The following SLC35F5 variants were observed in gnomAD, a reference collection of about 807,000 sequenced individuals.
The protein encoded by SLC35F5 is HCV NS5A-transactivated protein 3.
A neutral mutation model predicts 68.6 loss-of-function variants in SLC35F5; 54 were observed. The observed-to-expected ratio is 0.79, with a 90% CI of 0.63 to 0.99. The LOEUF (loss-of-function observed/expected upper bound fraction) is 0.99, where lower values mean the gene tolerates loss of function less well. Ranked by LOEUF, SLC35F5 falls within the 50% of genes least tolerant of loss-of-function variation. SLC35F5 has a pLI of 0.00. For synonymous variants in SLC35F5, 211 were observed against 205.2 expected (o/e 1.03, Z -0.24); for missense variants, 567 against 626.9 (o/e 0.90, Z 1.02).
downstream of SLC35F5, among the ~76,000 whole-genome samples, chr2:113,704,476 G>A (rs1437352778): frequency 6.6e-6 from 1 of 152,194 alleles, no homozygotes; most frequent in East Asian, 1.9e-4. Flanking sequence ...AGCAGGGGGC[G>A]CTCTGGCCAC....
chr2:113,752,353 A>T (rs942128588), intron 3 of SLC35F5, among the ~76,000 whole-genome samples: 7 of 152,206 alleles, frequency 4.6e-5, no homozygotes, highest in African/African-American at 1.7e-4. Context: ...TAGACAACTT[A>T]AACGTGGATA....
intron 1 of SLC35F5, 151 bp downstream of exon 1, chr2:113,756,219 T>C (rs1255798703): frequency 6.6e-7 from 1 of 1,513,466 alleles, no homozygotes; most frequent in African/African-American, 1.4e-5. Flanking sequence ...CCGGCGCCCC[T>C]GTCAGCTCCC....
intron 9 of SLC35F5, among the ~76,000 whole-genome samples, chr2:113,732,507 T>C (rs1479872902): frequency 6.6e-6 from 1 of 152,146 alleles, no homozygotes; most frequent in Non-Finnish European, 1.5e-5. Flanking sequence ...AAAGAAAATA[T>C]GTATTCCCTT....
chr2:113,703,740 A>C (rs952313492), downstream of SLC35F5: 9 of 152,214 alleles, frequency 5.9e-5, no homozygotes, highest in Non-Finnish European at 1.2e-4. Context: ...GGCCCTGAGA[A>C]GAAAAACTGG....
chr2:113,718,870 AAAG>A (rs200405439), intron 14 of SLC35F5, among the ~76,000 whole-genome samples: 419 of 26,944 alleles, frequency 0.016, 9 homozygotes, highest in African/African-American at 0.045. Context: ...AAAGAAAAAG[AAAG>A]AAAGAAAGAA....
intron 14 of SLC35F5, 113 bp downstream of exon 14, chr2:113,719,041 T>C (rs1687319757): frequency 1.1e-6 from 1 of 949,180 alleles, no homozygotes; most frequent in African/African-American, 1.7e-5. Context: ...ACATATAAGT[T>C]ATCATCTTTC....
intron 13 of SLC35F5, chr2:113,721,425 TTTG>T (rs1687430524): frequency 6.5e-6 from 1 of 154,170 alleles, no homozygotes; most frequent in African/African-American, 2.4e-5. Flanking sequence ...ATTTCCCCGT[TTTG>T]TCTTTACCCT....
chr2:113,718,850 A>C (rs1687278049), intron 14 of SLC35F5, among the ~76,000 whole-genome samples: 1 of 148,092 alleles, frequency 6.8e-6, no homozygotes, highest in South Asian at 2.1e-4. Flanking sequence ...AAGGAAAGAA[A>C]AAGAGAGAGA....
At chr2:113,724,427 A>T (rs1205312493) in intron 12 of SLC35F5, among the ~76,000 whole-genome samples, 1 of 152,234 alleles carries the variant, frequency 6.6e-6, no homozygotes, top group African/African-American at 2.4e-5. Flanking sequence ...TTATGATTTT[A>T]AAGAATTTTA....
chr2:113,717,004 C>T (rs1274654493), intron 15 of SLC35F5, among the ~76,000 whole-genome samples: 2 of 152,184 alleles, frequency 1.3e-5, no homozygotes, highest in Non-Finnish European at 2.9e-5. Context: ...TCAAGAAACA[C>T]TTCAATATAA....
chr2:113,750,430 C>G lies in SLC35F5; in HGVS notation c.412G>C (p.Ala138Pro), dbSNP rs1395997952. The change falls in exon 4 of 16, where the codon GCT (alanine) becomes CCT (proline). Residue 138 changes from alanine (A) to proline (P), a missense_variant. Physicochemically the swap from Ala to Pro is conservative, Grantham distance 27. Transcript: ENST00000245680. ...CTRGLRGKHA[A>P]FFADAEGYFA... ...AGTTAAAATTAAAAACTTACAAAAG[C>G]AGCATGCTTTCCGCGAAGTCCTCTT... The G allele has an allele frequency of 6.3e-7, 1 of 1,596,968 alleles. No individual in the cohort carries two copies. The highest frequency in any genetic ancestry group is 8.5e-7 in the Non-Finnish European group (1 of 1,172,884).
chr2:113,756,537 G>C lies in SLC35F5; in HGVS notation c.-128C>G, dbSNP rs575696282. 2.3e-5 allele frequency: 34 copies of C among 1,484,486 alleles called. 1 individual carries two copies. In the African/African-American group the frequency reaches 4.6e-4, roughly 20 times the overall value. The allele number at this position is 1,484,486 out of a possible 1,614,324, so 92.0% of individuals were successfully genotyped here. On this transcript the variant is annotated 5_prime_UTR_variant, in exon 1 of 16. Transcript: ENST00000245680. Reference sequence around the variant, plus strand: ...CTCCTGAAGACGCGGTGCCCCTCAGGGAGAGGCTCCCGACACCACCCAACT... The same window carrying C: ...CTCCTGAAGACGCGGTGCCCCTCAGCGAGAGGCTCCCGACACCACCCAACT...
chr2:113,729,202 T>C (rs1477609829), intron 11 of SLC35F5, among the ~76,000 whole-genome samples, 199 bp downstream of exon 11: 5 of 152,134 alleles, frequency 3.3e-5, no homozygotes, highest in African/African-American at 1.2e-4. Context: ...ACTGAGGAGA[T>C]GGGCACTCCC....
chr2:113,749,078 A>C (rs1676633174), intron 4 of SLC35F5, among the ~76,000 whole-genome samples: 1 of 152,206 alleles, frequency 6.6e-6, no homozygotes. Context: ...CTGGGATAAG[A>C]GGCATGAGCC....
intron 1 of SLC35F5, chr2:113,756,160 C>A: frequency 2.1e-6 from 3 of 1,451,948 alleles, no homozygotes; most frequent in Admixed American, 2.6e-5. Flanking sequence ...GGAGCCGAGG[C>A]GAGGGCGCAC....
chr2:113,720,693 G>T (rs1168701473), intron 13 of SLC35F5, among the ~76,000 whole-genome samples: 3 of 152,066 alleles, frequency 2.0e-5, no homozygotes, highest in African/African-American at 7.2e-5. Context: ...AATTATCCAA[G>T]ATCAGAAAAG....
At chr2:113,724,022 A>G (rs1269498082) in intron 12 of SLC35F5, among the ~76,000 whole-genome samples, 4 of 152,220 alleles carry the variant, frequency 2.6e-5, no homozygotes, top group African/African-American at 9.6e-5. Flanking sequence ...AATCTAGCTC[A>G]GTATATGTCA....
At chr2:113,746,102 C>A (rs1452261664) in intron 5 of SLC35F5, among the ~76,000 whole-genome samples, 175 bp downstream of exon 5, 4 of 152,164 alleles carry the variant, frequency 2.6e-5, no homozygotes, top group African/African-American at 9.7e-5. Flanking sequence ...TACCTCTAGG[C>A]CCCAGGTAAC....
rs1361578856 is a variant in SLC35F5 at position 113,734,574 on chromosome 2, C to G, written c.920+12G>C. The G allele has an allele frequency of 1.4e-6, 2 of 1,461,726 alleles. No individual in the cohort carries two copies. Among genetic ancestry groups the G allele is most frequent in the African/African-American group, 2.8e-5 (2 of 71,306 alleles). 90.5% of individuals were successfully genotyped at this position (1,461,726 alleles called of 1,614,324 possible). ...TAAGCAGAGCAAACTAGCTATCACA[C>G]TATATGCTTACCTTAAAATTACAGC... On this transcript the variant is annotated intron_variant, in intron 9 of 15. Transcript: ENST00000245680.
Sources: allele counts gnomAD v4.1 joint callset (sites outside exome capture counted in the v4.1 genomes callset), GRCh38; gene constraint gnomAD v4.1.1; transcripts MANE v1.5; gene names NCBI Gene and HGNC (gene_info 2026-07-23, HGNC 2026-07-21).